The following STAG1 variants were observed in gnomAD, a reference collection of about 807,000 sequenced individuals.
STAG1 encodes cohesin subunit SA-1.
STAG1 carries 26 observed loss-of-function variants against 170.9 expected under a neutral mutation model. That is an observed-to-expected ratio of 0.15 (90% confidence interval 0.11 to 0.21). STAG1 has a LOEUF of 0.21. STAG1 is among the 10% of genes least tolerant of loss of function. The pLI is 1.00. For missense variants in STAG1, 964 were observed against 1,509.5 expected (o/e 0.64, Z 5.99); for synonymous variants, 514 against 497.7 (o/e 1.03, Z -0.44).
At chr3:136,456,436 G>A (rs1372286743) in intron 13 of STAG1, among the ~76,000 whole-genome samples, 2 of 152,090 alleles carry the variant, frequency 1.3e-5, no homozygotes, top group Non-Finnish European at 2.9e-5. Context: ...TAAGCCTGAA[G>A]GCAGAACTTA....
chr3:136,677,892 TATATATA>T (rs1334942541), intron 1 of STAG1, among the ~76,000 whole-genome samples: 2 of 147,636 alleles, frequency 1.4e-5, no homozygotes, highest in African/African-American at 4.9e-5. Context: ...ATATATATCA[TATATATA>T]ATATATATTA....
chr3:136,570,902 A>C (rs1209322160), intron 4 of STAG1, among the ~76,000 whole-genome samples: 5 of 152,232 alleles, frequency 3.3e-5, no homozygotes. Context: ...AAAACTAGAA[A>C]GAAGATTATG....
chr3:136,534,481 G>T (rs558947777), intron 6 of STAG1, among the ~76,000 whole-genome samples: 2 of 152,018 alleles, frequency 1.3e-5, no homozygotes, highest in Admixed American at 6.5e-5. Flanking sequence ...ACAACCTCTT[G>T]AATGAGAGAA....
chr3:136,553,903 T>A (rs1439081725), intron 5 of STAG1, among the ~76,000 whole-genome samples: 1 of 152,022 alleles, frequency 6.6e-6, no homozygotes, highest in Non-Finnish European at 1.5e-5. Context: ...TGGTTCAATA[T>A]AAAACTAATT....
chr3:136,458,601 G>C (rs761989480), intron 13 of STAG1, among the ~76,000 whole-genome samples: 10 of 151,880 alleles, frequency 6.6e-5, no homozygotes, highest in Non-Finnish European at 1.3e-4. Flanking sequence ...GTGAGAGAGA[G>C]AAAAAAATCA....
chr3:136,685,468 G>A (rs1942485996), intron 1 of STAG1, among the ~76,000 whole-genome samples: 1 of 152,092 alleles, frequency 6.6e-6, no homozygotes, highest in African/African-American at 2.4e-5. Context: ...TCCAGCAACT[G>A]TACTTCTTAG....
intron 23 of STAG1, among the ~76,000 whole-genome samples, chr3:136,375,253 T>C (rs139892342): frequency 6.6e-6 from 1 of 152,322 alleles, no homozygotes; most frequent in African/African-American, 2.4e-5. Flanking sequence ...TATAGAGACT[T>C]TGAATACATT....
chr3:136,465,862 C>T (rs1226063270), intron 12 of STAG1, among the ~76,000 whole-genome samples: 1 of 152,004 alleles, frequency 6.6e-6, no homozygotes, highest in Admixed American at 6.6e-5. Context: ...AAATTAAACC[C>T]TATAAGACCT....
intron 5 of STAG1, among the ~76,000 whole-genome samples, chr3:136,562,469 C>T (rs1936885413): frequency 6.7e-6 from 1 of 149,364 alleles, no homozygotes; most frequent in Admixed American, 6.8e-5. Flanking sequence ...CCACATTGAC[C>T]AGGCTGGTCT....
intron 5 of STAG1, among the ~76,000 whole-genome samples, chr3:136,544,372 T>G (rs1310807039): frequency 6.6e-6 from 1 of 152,112 alleles, no homozygotes; most frequent in Non-Finnish European, 1.5e-5. Flanking sequence ...TCCAACTAGG[T>G]ACACAAGTAC....
At chr3:136,338,855 G>A (rs970877132) in intron 32 of STAG1, among the ~76,000 whole-genome samples, 7 of 152,190 alleles carry the variant, frequency 4.6e-5, no homozygotes, top group Non-Finnish European at 1.0e-4. Context: ...GGGGCAGGGA[G>A]ATTATAGATT....
At chr3:136,571,247 C>T (rs995732832) in intron 4 of STAG1, among the ~76,000 whole-genome samples, 2 of 152,178 alleles carry the variant, frequency 1.3e-5, no homozygotes, top group African/African-American at 4.8e-5. Flanking sequence ...CATTCTAAGA[C>T]TGGTGCACAG....
At chr3:136,752,136 T>TGCC (rs1335712421) in intron 1 of STAG1, 59 bp downstream of exon 1, 2 of 152,754 alleles carry the variant, frequency 1.3e-5, no homozygotes, top group Admixed American at 1.3e-4. Context: ...CCCGCGCCGC[T>TGCC]GCCGCCGCAT....
At chr3:136,649,096 A>G (rs1941127875) in intron 1 of STAG1, among the ~76,000 whole-genome samples, 1 of 152,170 alleles carries the variant, frequency 6.6e-6, no homozygotes, top group Non-Finnish European at 1.5e-5. Context: ...TTCATCCCAA[A>G]TACCTTTATG....
rs576120596 is a variant in STAG1 at position 136,404,000 on chromosome 3, T to C, written c.2197-5171A>G. ...AGACATAATTCTATAACAATATAGC[T>C]TATCAGACACCATTTAGAACTTCTC... On this transcript the variant is annotated intron_variant, in intron 21 of 33. Transcript: ENST00000383202. Among the ~76,000 whole-genome samples the C allele has an allele frequency of 2.6e-5, 4 of 152,320 alleles. No homozygotes were observed. In the East Asian group the frequency reaches 7.7e-4, roughly 29 times the overall value.
chr3:136,709,092 C>CTTTTTCTT (rs1943313404), intron 1 of STAG1, among the ~76,000 whole-genome samples: 1 of 149,558 alleles, frequency 6.7e-6, no homozygotes, highest in Non-Finnish European at 1.5e-5. Context: ...GGGTTCAAGA[C>CTTTTTCTT]CAGCCTGACC....
At chr3:136,519,094 G>T (rs1934529551) in intron 7 of STAG1, among the ~76,000 whole-genome samples, 1 of 152,076 alleles carries the variant, frequency 6.6e-6, no homozygotes, top group Non-Finnish European at 1.5e-5. Flanking sequence ...GTAAAATACA[G>T]TAATACTGCA....
At chr3:136,362,910 A>G (rs568571548) in intron 26 of STAG1, among the ~76,000 whole-genome samples, 5 of 152,076 alleles carry the variant, frequency 3.3e-5, no homozygotes, top group Admixed American at 3.3e-4. Context: ...ATACAAACAT[A>G]TATATATTAT....
rs1446081838 is a variant in STAG1, at chr3:136,472,607, AG to A, written c.1126-116del. ...AATACTAATGATAGGTTAAATAAAA[AG>A]CTTTACTCTTGAAACTGCAGTATTG... On this transcript the variant is annotated intron_variant, in intron 11 of 33. Transcript: ENST00000383202. The A allele has an allele frequency of 4.6e-6, 3 of 651,136 alleles. No homozygotes were observed. In the African/African-American group the frequency reaches 5.5e-5, roughly 12 times the overall value. 40.3% of individuals were successfully genotyped at this position (651,136 alleles called of 1,614,324 possible). A position where few individuals can be genotyped will look rare whatever the true frequency, so the allele number is the denominator to read the frequency against.
Sources: allele counts gnomAD v4.1 joint callset (sites outside exome capture counted in the v4.1 genomes callset), GRCh38; gene constraint gnomAD v4.1.1; transcripts MANE v1.5; gene names NCBI Gene and HGNC (gene_info 2026-07-23, HGNC 2026-07-21).